Variants in RASSF4 observed in about 807,000 individuals in gnomAD.
The protein encoded by RASSF4 is Ras association domain family member 4, also known as ras association domain-containing protein 4.
A neutral mutation model predicts 41.1 loss-of-function variants in RASSF4; 38 were observed. The ratio of observed to expected loss-of-function variants is 0.92; its 90% CI spans 0.71 to 1.21. RASSF4 has a LOEUF of 1.21. Ranked by LOEUF, RASSF4 falls within the 50% of genes most tolerant of loss-of-function variation. RASSF4 has a pLI of 0.00. For synonymous variants in RASSF4, 179 were observed against 163.4 expected (o/e 1.10, Z -0.73); for missense variants, 414 against 419.4 (o/e 0.99, Z 0.11).
intron 4 of RASSF4, chr10:44,982,997 A>G (rs2132793297): frequency 1.7e-6 from 1 of 588,160 alleles, no homozygotes; most frequent in Non-Finnish European, 3.3e-6. Context: ...CTCTTGTTCT[A>G]TCTTTAAAAT....
At chr10:44,976,316 AAC>A (rs1207433514) in intron 3 of RASSF4, 1 of 152,258 alleles carries the variant, frequency 6.6e-6, no homozygotes, top group Non-Finnish European at 1.5e-5. Flanking sequence ...CTCCAGAGAA[AAC>A]ACACTTAACA....
chr10:44,988,069 T>C (rs867607152), intron 6 of RASSF4, among the ~76,000 whole-genome samples: 1 of 152,050 alleles, frequency 6.6e-6, no homozygotes, highest in Non-Finnish European at 1.5e-5. Context: ...AATCTAAACT[T>C]GAGTTTGAAA....
chr10:44,971,406 T>C (rs1588800011), intron 2 of RASSF4: 1 of 452,082 alleles, frequency 2.2e-6, no homozygotes, highest in African/African-American at 2.0e-5. Context: ...GGCTGTACAA[T>C]GCCAAAAGCA....
At chr10:44,968,790 G>A (rs78339150) in intron 1 of RASSF4, among the ~76,000 whole-genome samples, 5,503 of 152,264 alleles carry the variant, frequency 0.036, 227 homozygotes, top group African/African-American at 0.1. Context: ...AGACATGATG[G>A]GTTTGTGTGA....
At chr10:44,973,604 C>T (rs547924790) in intron 3 of RASSF4, among the ~76,000 whole-genome samples, 2 of 152,354 alleles carry the variant, frequency 1.3e-5, no homozygotes, top group Admixed American at 1.3e-4. Flanking sequence ...AACACTTAGT[C>T]TTCCCGTCCA....
At chr10:44,989,556 G>T in intron 7 of RASSF4, 114 bp from the exon 8 acceptor site, 1 of 1,062,438 alleles carries the variant, frequency 9.4e-7, no homozygotes, top group South Asian at 1.3e-5. Flanking sequence ...GAGAGGACAG[G>T]TTCCTTGCAA....
intron 1 of RASSF4, among the ~76,000 whole-genome samples, chr10:44,964,504 C>T (rs1340087846): frequency 2.6e-5 from 4 of 152,216 alleles, no homozygotes; most frequent in Non-Finnish European, 5.9e-5. Context: ...GTTTTTTGAG[C>T]CTGAGCCTGG....
At position 44,979,277 on chromosome 10, in the gene RASSF4, C is replaced by T. The variant is rs548551660; in HGVS notation, c.139-3244C>T. ...CACCCTGCTCGCAAGGGACCAAGGG[C>T]GGTCTGCGGGGTCTGACCCTGGTCT... On this transcript the variant is annotated intron_variant, in intron 3 of 10. Transcript: ENST00000340258. 6.6e-5 allele frequency among the ~76,000 whole-genome samples: 10 copies of T among 152,314 alleles called. No individual in the cohort carries two copies. The East Asian group carries it at 1.5e-3, about 24-fold the overall frequency.
chr10:44,990,729 C>A (rs143648470), intron 8 of RASSF4: 148 of 417,632 alleles, frequency 3.5e-4, no homozygotes, highest in African/African-American at 2.7e-3. Context: ...AATTGCCAGC[C>A]GCTCCACTTA....
chr10:44,994,563 C>A lies in RASSF4; in HGVS notation c.*1234C>A, dbSNP rs1842231869. 1 of 152,194 alleles carries A rather than the reference C, an allele frequency of 6.6e-6. No individual in the cohort carries two copies. Among genetic ancestry groups the A allele is most frequent in the African/African-American group, 2.4e-5 (1 of 41,426 alleles). The allele number at this position is 152,194 out of a possible 1,614,324, so 9.4% of individuals were successfully genotyped here. ...CATGCTGTGCGGAACTGCGTCAGGG[C>A]AAATGTCACAGCAGGATTTCCCCAA... On this transcript the variant is annotated 3_prime_UTR_variant, in exon 11 of 11. Coordinates refer to ENST00000340258, the MANE Select transcript of RASSF4 (RefSeq NM_032023.4).
chr10:44,989,776 G>C (rs1842045080), intron 8 of RASSF4, 55 bp downstream of exon 8: 5 of 1,472,952 alleles, frequency 3.4e-6, no homozygotes, highest in Non-Finnish European at 4.8e-6. Context: ...TACCTGTTCA[G>C]CAAGCCCCCT....
intron 3 of RASSF4, among the ~76,000 whole-genome samples, chr10:44,979,281 C>G (rs1841600135): frequency 6.6e-6 from 1 of 152,204 alleles, no homozygotes; most frequent in Non-Finnish European, 1.5e-5. Context: ...CAAGGGCGGT[C>G]TGCGGGGTCT....
rs1002326306 is a variant in RASSF4 at position 44,969,072 on chromosome 10, ATGTG to A, written c.-38-1086_-38-1083del. 2.8e-5 allele frequency among the ~76,000 whole-genome samples: 4 copies of A among 144,120 alleles called. 1 individual carries two copies. Among genetic ancestry groups the A allele is most frequent in the South Asian group, 2.2e-4 (1 of 4,586 alleles). 94.5% of individuals were successfully genotyped at this position (144,120 alleles called of 152,430 possible). ...GAGTGTGTGTGTTGAGTGTGAATGT[ATGTG>A]TGTGTGCATGTGATTGTGTATGCGT... On this transcript the variant is annotated intron_variant, in intron 1 of 10. Transcript: ENST00000340258.
At chr10:44,961,883 A>G (rs1840724774) in intron 1 of RASSF4, among the ~76,000 whole-genome samples, 1 of 152,206 alleles carries the variant, frequency 6.6e-6, no homozygotes, top group Non-Finnish European at 1.5e-5. Context: ...AATAAAGAAA[A>G]TCAAATAAGA....
intron 1 of RASSF4, among the ~76,000 whole-genome samples, chr10:44,969,101 TG>T (rs1841031518): frequency 1.0e-5 from 1 of 96,382 alleles, no homozygotes; most frequent in Non-Finnish European, 2.9e-5. Context: ...TGTGTATGCG[TG>T]TGTTTTTGTG....
intron 6 of RASSF4, among the ~76,000 whole-genome samples, chr10:44,987,406 A>G (rs573855048): frequency 1.3e-5 from 2 of 152,152 alleles, no homozygotes; most frequent in East Asian, 1.9e-4. Context: ...CCTCTCTTCC[A>G]TATTTCTTTG....
chr10:44,983,381 A>T (rs936918616), intron 4 of RASSF4: 1 of 191,180 alleles, frequency 5.2e-6, no homozygotes, highest in East Asian at 1.5e-4. Context: ...ACACAGAATT[A>T]GAGCATAAAG....
At chr10:44,989,816 C>G in intron 8 of RASSF4, 95 bp downstream of exon 8, 5 of 1,108,728 alleles carry the variant, frequency 4.5e-6, no homozygotes, top group Non-Finnish European at 6.9e-6. Context: ...TACTCCCTTC[C>G]AGATGGGCTC....
At chr10:44,974,918 C>T (rs1057444421) in intron 3 of RASSF4, among the ~76,000 whole-genome samples, 7 of 152,374 alleles carry the variant, frequency 4.6e-5, no homozygotes, top group South Asian at 4.1e-4. Flanking sequence ...CAACGGGGAA[C>T]AATCTGTGCC....
Sources: gnomAD v4.1 joint callset for allele counts (sites outside exome capture counted in the v4.1 genomes callset) on GRCh38, gnomAD v4.1.1 for gene constraint, MANE v1.5 for transcripts, NCBI Gene and HGNC (gene_info 2026-07-23, HGNC 2026-07-21) for gene names.